The following ADAMTS2 variants were observed in gnomAD, a reference collection of about 807,000 sequenced individuals.
ADAMTS2 encodes the protein A disintegrin and metalloproteinase with thrombospondin motifs 2.
ADAMTS2 carries 50 observed loss-of-function variants against 123.0 expected under a neutral mutation model. That is an observed-to-expected ratio of 0.41 (90% CI 0.32 to 0.51). ADAMTS2 has a LOEUF of 0.51. ADAMTS2 is among the 20% of genes least tolerant of loss of function. The pLI is 0.35. For synonymous variants in ADAMTS2, 678 were observed against 695.4 expected, an observed-to-expected ratio of 0.98 and a Z score of 0.39; for missense variants, 1,494 against 1,705.2, an observed-to-expected ratio of 0.88 and a Z score of 2.18.
chr5:179,339,839 A>T (rs1045263803), intron 2 of ADAMTS2, among the ~76,000 whole-genome samples: 1 of 152,198 alleles, frequency 6.6e-6, no homozygotes, highest in African/African-American at 2.4e-5. Flanking sequence ...CTGCTCTAGC[A>T]CCTGAGCCTG....
In ADAMTS2 at chr5:179,228,222, G is replaced by A. The variant is rs368374394; in HGVS notation, c.689-20507C>T. On this transcript the variant is annotated intron_variant, in intron 3 of 21. Transcript: ENST00000251582. This position sits in a 1 kb window ranked among gnomAD's most constrained non-coding sequence, Gnocchi z 5.2. Reference sequence around the variant, plus strand: ...ATCAGCTGCAGAGCACCGCAGTGGCGCACACAGATCAGTGTCCTGATCTGA... The same window carrying A: ...ATCAGCTGCAGAGCACCGCAGTGGCACACACAGATCAGTGTCCTGATCTGA... Among the ~76,000 whole-genome samples, 52 of 152,254 alleles carry A rather than the reference G, an allele frequency of 3.4e-4. No individual in the cohort carries two copies. Among genetic ancestry groups the A allele is most frequent in the African/African-American group, 1.1e-3 (44 of 41,560 alleles).
In ADAMTS2 at chr5:179,327,551, C is replaced by A. The variant is rs528485619; in HGVS notation, c.534+16216G>T. ...CTCCTTGACTGAAAGGGAAGGTCAA[C>A]CGCCGCCACTCATCCCCATAAAACC... On this transcript the variant is annotated intron_variant, in intron 2 of 21. Transcript: ENST00000251582. Among the ~76,000 whole-genome samples the A allele has an allele frequency of 4.9e-4, 74 of 152,332 alleles. No individual in the cohort carries two copies. In the Middle Eastern group the frequency reaches 0.014, roughly 28 times the overall value.
At chr5:179,208,796 TC>T (rs1321177284) in intron 3 of ADAMTS2, among the ~76,000 whole-genome samples, 6 of 152,088 alleles carry the variant, frequency 3.9e-5, no homozygotes, top group South Asian at 2.1e-4. Flanking sequence ...CTAAGCCAGG[TC>T]CCAGCCCCAG....
chr5:179,309,673 G>A (rs568191734), intron 2 of ADAMTS2, among the ~76,000 whole-genome samples: 5 of 147,692 alleles, frequency 3.4e-5, no homozygotes, highest in African/African-American at 7.6e-5. Flanking sequence ...CAGGAGAATC[G>A]CTTGAACCTG....
chr5:179,154,785 T>C, intron 7 of ADAMTS2, 29 bp downstream of exon 7: 2 of 1,564,502 alleles, frequency 1.3e-6, no homozygotes, highest in Non-Finnish European at 1.7e-6. Context: ...GTGGCCCCTC[T>C]GTGCCCCACC....
intron 3 of ADAMTS2, among the ~76,000 whole-genome samples, chr5:179,271,516 G>A (rs1049185886): frequency 3.9e-5 from 6 of 152,208 alleles, no homozygotes; most frequent in African/African-American, 7.2e-5. Context: ...TGGAGCACTC[G>A]CTCAGCCCCT....
chr5:179,246,637 T>C (rs76681953), intron 3 of ADAMTS2, among the ~76,000 whole-genome samples: 1 of 152,108 alleles, frequency 6.6e-6, no homozygotes, highest in Non-Finnish European at 1.5e-5. Flanking sequence ...ACATTTAGGG[T>C]CTGTACAAGT....
At chr5:179,143,429 GAA>G (rs546474818) in intron 10 of ADAMTS2, among the ~76,000 whole-genome samples, 13 of 77,204 alleles carry the variant, frequency 1.7e-4, no homozygotes, top group Non-Finnish European at 1.9e-4. Context: ...ACTCTGTCTC[GAA>G]AAAAAAAAAA....
At chr5:179,304,552 A>G (rs1265305358) in intron 2 of ADAMTS2, among the ~76,000 whole-genome samples, 2 of 152,232 alleles carry the variant, frequency 1.3e-5, no homozygotes, top group Non-Finnish European at 2.9e-5. Flanking sequence ...AAATACAATA[A>G]CAGAAACTTT....
rs746802388 is a variant in ADAMTS2 at position 179,122,685 on chromosome 5, C to A, written c.3047G>T (p.Arg1016Leu). Residue 1016 changes from arginine to leucine, a missense_variant, in exon 20 of 22, where the codon CGT (arginine) becomes CTT (leucine). Transcript: ENST00000251582. The stretch of plus-strand genomic sequence containing the variant: ...CCTGCAGGTCCTCGCTGTCTCAGGA[C>A]GCTCCTCCTGGCAGATGCCGAAGCT... ...DDSFGICQEERPETARTCRLG... is the reference protein window; with the variant it reads ...DDSFGICQEELPETARTCRLG... 3.2e-6 allele frequency: 5 copies of A among 1,551,472 alleles called. No individual in the cohort carries two copies. The highest frequency in any genetic ancestry group is 4.4e-6 in the Non-Finnish European group (5 of 1,147,484).
At chr5:179,223,506 T>G (rs1252064908) in intron 3 of ADAMTS2, among the ~76,000 whole-genome samples, 1 of 130,508 alleles carries the variant, frequency 7.7e-6, no homozygotes, top group East Asian at 2.4e-4. Context: ...ACATGCACAC[T>G]CATACGAATG....
chr5:179,279,836 G>A (rs1766840910), intron 2 of ADAMTS2, among the ~76,000 whole-genome samples: 1 of 152,244 alleles, frequency 6.6e-6, no homozygotes, highest in African/African-American at 2.4e-5. Flanking sequence ...CATCCCAGAG[G>A]ATTTCACACA....
At position 179,337,521 on chromosome 5, in the gene ADAMTS2, C is replaced by T. The variant is rs557693355; in HGVS notation, c.534+6246G>A. Among the ~76,000 whole-genome samples, 176 of 152,352 alleles carry T rather than the reference C, an allele frequency of 1.2e-3. 1 individual carries two copies. The highest frequency in any genetic ancestry group is 4.0e-3 in the African/African-American group (167 of 41,588). ...TCCCGCCATGCACAGGCCCAGGACA[C>T]GCACACGTCCACATGCAGCCACCAG... is the stretch of plus-strand genomic sequence containing the variant. On this transcript the variant is annotated intron_variant, in intron 2 of 21. Coordinates refer to ENST00000251582, the MANE Select transcript of ADAMTS2 (RefSeq NM_014244.5).
intron 2 of ADAMTS2, among the ~76,000 whole-genome samples, chr5:179,288,246 G>A (rs1276550531): frequency 1.3e-5 from 2 of 152,166 alleles, no homozygotes; most frequent in Non-Finnish European, 2.9e-5. Flanking sequence ...TGATCTCTGG[G>A]GCCCACTGTG....
At chr5:179,316,020 A>G (rs186049066) in intron 2 of ADAMTS2, among the ~76,000 whole-genome samples, 2 of 152,374 alleles carry the variant, frequency 1.3e-5, no homozygotes, top group African/African-American at 4.8e-5. Context: ...CATATATAAG[A>G]AAAAGCTCCA....
At chr5:179,327,872 C>T (rs1757355506) in intron 2 of ADAMTS2, among the ~76,000 whole-genome samples, 1 of 152,162 alleles carries the variant, frequency 6.6e-6, no homozygotes, top group South Asian at 2.1e-4. Flanking sequence ...CAGAAAGTAA[C>T]TGCACACGTA....
intron 3 of ADAMTS2, among the ~76,000 whole-genome samples, chr5:179,250,610 T>TCCAGC (rs1238824856): frequency 6.6e-6 from 1 of 152,208 alleles, no homozygotes; most frequent in Non-Finnish European, 1.5e-5. Context: ...CAGAGCCATT[T>TCCAGC]CCAGCCCAGC....
chr5:179,254,477 C>A (rs1765998482), intron 3 of ADAMTS2, among the ~76,000 whole-genome samples: 1 of 152,212 alleles, frequency 6.6e-6, no homozygotes, highest in South Asian at 2.1e-4. Flanking sequence ...CTGCACAACA[C>A]TGCCAAAAAC....
At chr5:179,123,741 C>T (rs1358493751) in intron 19 of ADAMTS2, among the ~76,000 whole-genome samples, 5 of 152,264 alleles carry the variant, frequency 3.3e-5, no homozygotes, top group Non-Finnish European at 7.3e-5. Flanking sequence ...CGCCTGTTTT[C>T]AAGACTGGCC....
Sources: gnomAD v4.1 joint callset for allele counts (sites outside exome capture counted in the v4.1 genomes callset) on GRCh38, gnomAD v4.1.1 for gene constraint, Gnocchi (gnomAD v3.1) non-coding constraint, MANE v1.5 for transcripts, NCBI Gene and HGNC (gene_info 2026-07-23, HGNC 2026-07-21) for gene names.